RPS6KC1: variants seen among roughly 807,000 people sequenced by gnomAD.
RPS6KC1 encodes the protein inactive ribosomal protein S6 kinase delta-1.
In RPS6KC1, 54 loss-of-function variants were observed where a neutral mutation model predicts 103.8. The ratio of observed to expected loss-of-function variants is 0.52; its 90% CI spans 0.42 to 0.65. The LOEUF (loss-of-function observed/expected upper bound fraction) is 0.65. RPS6KC1 is among the 30% of genes least tolerant of loss of function. RPS6KC1 has a pLI of 0.00. For missense variants in RPS6KC1, 1,151 were observed against 1,253.8 expected (o/e 0.92, Z 1.24); for synonymous variants, 439 against 438.7 (o/e 1.00, Z -0.01).
At chr1:213,777,016 A>G in the RPS6KC1 span, among the ~76,000 whole-genome samples, 4 of 152,036 alleles carry the variant, frequency 2.6e-5, no homozygotes, top group African/African-American at 9.7e-5. Flanking sequence ...GAGGGTTAGG[A>G]TCTTTCTCTG....
the RPS6KC1 span, among the ~76,000 whole-genome samples, chr1:213,762,673 A>T: frequency 6.6e-6 from 1 of 152,182 alleles, no homozygotes; most frequent in Non-Finnish European, 1.5e-5. Flanking sequence ...CCTTTCTAAG[A>T]ATAGAAAATA....
chr1:213,138,717 T>C, intron 6 of RPS6KC1, among the ~76,000 whole-genome samples: 1 of 152,254 alleles, frequency 6.6e-6, no homozygotes, highest in Middle Eastern at 3.2e-3. Context: ...CTTAGTATTC[T>C]GTAGTATATC....
intron 13 of RPS6KC1, 106 bp downstream of exon 13, chr1:213,261,746 G>A: frequency 1.1e-6 from 1 of 923,864 alleles, no homozygotes; most frequent in Non-Finnish European, 1.7e-6. Flanking sequence ...GACTAAGCAA[G>A]AAAAACTTTG....
At chr1:213,194,805 G>A (rs1573174768) in intron 8 of RPS6KC1, among the ~76,000 whole-genome samples, 2 of 152,138 alleles carry the variant, frequency 1.3e-5, no homozygotes, top group East Asian at 3.8e-4. Context: ...TGTACCCCCT[G>A]TCCCCAAGAG....
chr1:213,378,546 A>T, the RPS6KC1 span, among the ~76,000 whole-genome samples: 1 of 152,194 alleles, frequency 6.6e-6, no homozygotes, highest in Non-Finnish European at 1.5e-5. Context: ...AAGTTTGGAA[A>T]TGTGTTGAAA....
the RPS6KC1 span, among the ~76,000 whole-genome samples, chr1:213,419,154 C>T: frequency 6.6e-6 from 1 of 152,228 alleles, no homozygotes; most frequent in African/African-American, 2.4e-5. Flanking sequence ...GTAAACCTCT[C>T]AATGTGTCTT....
At chr1:213,665,823 C>G in the RPS6KC1 span, among the ~76,000 whole-genome samples, 2 of 152,048 alleles carry the variant, frequency 1.3e-5, no homozygotes, top group Non-Finnish European at 2.9e-5. Context: ...GTACTTTCTT[C>G]CATACTATAA....
At chr1:213,635,106 G>A in the RPS6KC1 span, among the ~76,000 whole-genome samples, 1 of 152,188 alleles carries the variant, frequency 6.6e-6, no homozygotes, top group South Asian at 2.1e-4. Context: ...CCAATAACAG[G>A]CTCTGAAATG....
At chr1:213,440,467 A>G in the RPS6KC1 span, among the ~76,000 whole-genome samples, 2 of 152,104 alleles carry the variant, frequency 1.3e-5, no homozygotes, top group Admixed American at 6.5e-5. Flanking sequence ...TGAACTGCAA[A>G]ATGTTAATAT....
At chr1:213,237,158 G>A (rs1158649668) in intron 10 of RPS6KC1, among the ~76,000 whole-genome samples, 3 of 151,996 alleles carry the variant, frequency 2.0e-5, no homozygotes, top group Non-Finnish European at 4.4e-5. Flanking sequence ...GACGCCTTTA[G>A]TATATCTTTA....
intron 8 of RPS6KC1, among the ~76,000 whole-genome samples, chr1:213,204,125 C>G (rs1032576293): frequency 1.3e-5 from 2 of 152,222 alleles, no homozygotes; most frequent in African/African-American, 4.8e-5. Context: ...CTCCTCCATG[C>G]TAAACTTTCA....
At chr1:213,098,407 A>T (rs2081680610) in intron 3 of RPS6KC1, among the ~76,000 whole-genome samples, 1 of 150,166 alleles carries the variant, frequency 6.7e-6, no homozygotes, top group Non-Finnish European at 1.5e-5. Flanking sequence ...CTCTGAGAGT[A>T]TTGGGATTAT....
At chr1:213,512,282 G>A in the RPS6KC1 span, among the ~76,000 whole-genome samples, 2 of 152,182 alleles carry the variant, frequency 1.3e-5, no homozygotes, top group Non-Finnish European at 2.9e-5. Flanking sequence ...ATCCTGGCAA[G>A]GAACTTTAGA....
At chr1:213,740,140 A>G in the RPS6KC1 span, among the ~76,000 whole-genome samples, 1 of 152,204 alleles carries the variant, frequency 6.6e-6, no homozygotes, top group Non-Finnish European at 1.5e-5. Context: ...ATCTCTAGGA[A>G]CATTTTCTTT....
chr1:213,630,494 AG>A, the RPS6KC1 span, among the ~76,000 whole-genome samples: 2 of 152,016 alleles, frequency 1.3e-5, no homozygotes, highest in African/African-American at 2.4e-5. Flanking sequence ...TTTTTTTTCA[AG>A]GTTTTTAACT....
chr1:213,310,721 G>A, the RPS6KC1 span, among the ~76,000 whole-genome samples: 6 of 152,344 alleles, frequency 3.9e-5, no homozygotes, highest in African/African-American at 1.2e-4. Flanking sequence ...TGCTAAATAA[G>A]TAATTCTTGA....
At chr1:213,853,370 C>G in the RPS6KC1 span, among the ~76,000 whole-genome samples, 1 of 152,198 alleles carries the variant, frequency 6.6e-6, no homozygotes, top group Non-Finnish European at 1.5e-5. Flanking sequence ...TATAAACACA[C>G]AGTCCTTAAC....
At chr1:213,411,635 C>T in the RPS6KC1 span, among the ~76,000 whole-genome samples, 2 of 152,130 alleles carry the variant, frequency 1.3e-5, no homozygotes, top group African/African-American at 4.8e-5. Flanking sequence ...GCTCATGATG[C>T]AGCAAGCCTT....
chr1:213,396,525 G>A, the RPS6KC1 span, among the ~76,000 whole-genome samples: 6 of 152,168 alleles, frequency 3.9e-5, no homozygotes, highest in African/African-American at 9.7e-5. Context: ...ACGTGTGGAC[G>A]GCCTCCCCTC....
Sources: gnomAD v4.1 joint callset for allele counts (sites outside exome capture counted in the v4.1 genomes callset) on GRCh38, gnomAD v4.1.1 for gene constraint, MANE v1.5 for transcripts, NCBI Gene and HGNC (gene_info 2026-07-23, HGNC 2026-07-21) for gene names.